BRF1: variants seen among roughly 807,000 people sequenced by gnomAD.
BRF1 encodes the protein transcription factor IIIB 90 kDa subunit.
BRF1 carries 59 observed loss-of-function variants against 81.7 expected under a neutral mutation model. That is an observed-to-expected ratio of 0.72 (90% CI 0.59 to 0.90). BRF1 has a LOEUF of 0.90. Ranked by LOEUF, BRF1 falls within the 40% of genes least tolerant of loss-of-function variation. The probability of loss-of-function intolerance (pLI) is 0.00; values close to 1 mark genes in which losing one functional copy is unlikely to be tolerated. For synonymous variants in BRF1, 491 were observed against 395.6 expected, an observed-to-expected ratio of 1.24 and a Z score of -2.86; for missense variants, 1,050 against 936.3, an observed-to-expected ratio of 1.12 and a Z score of -1.58.
chr14:105,264,872 G>T (rs1028227504), intron 3 of BRF1, among the ~76,000 whole-genome samples: 1 of 151,696 alleles, frequency 6.6e-6, no homozygotes, highest in East Asian at 1.9e-4. Context: ...TAGTAGATGG[G>T]TTCAACACCT....
chr14:105,213,200 C>T (rs1349473404), intron 15 of BRF1: 1 of 152,386 alleles, frequency 6.6e-6, no homozygotes, highest in Non-Finnish European at 1.5e-5. Context: ...TGCAGCGGGG[C>T]TTCTCAGCAG....
rs1047411750 is a variant in BRF1 at position 105,309,593 on chromosome 14, C to G, written c.-162+5729G>C. 6.6e-6 allele frequency among the ~76,000 whole-genome samples: 1 copy of G among 152,188 alleles called. No homozygotes were observed. The highest frequency in any genetic ancestry group is 1.5e-5 in the Non-Finnish European group (1 of 68,012). Reference sequence around the variant, plus strand: ...ATGAGCCCAGGCAAATCTCCCAAGACGCTGCCAAGCCACTCTGCAGAGCTG... The same window carrying G: ...ATGAGCCCAGGCAAATCTCCCAAGAGGCTGCCAAGCCACTCTGCAGAGCTG... On this transcript the variant is annotated intron_variant, in intron 1 of 17. Coordinates refer to the BRF1 transcript ENST00000327359. This position sits in a 1 kb window ranked among gnomAD's most constrained non-coding sequence, Gnocchi z 4.0.
intron 11 of BRF1, 48 bp from the exon 12 acceptor site, chr14:105,220,178 T>G: frequency 6.2e-7 from 1 of 1,608,670 alleles, no homozygotes; most frequent in Non-Finnish European, 8.5e-7. Flanking sequence ...GCACTGATTA[T>G]AGGAGCGTGG....
At chr14:105,262,275 C>T (rs1167542636) in intron 3 of BRF1, among the ~76,000 whole-genome samples, 1 of 152,212 alleles carries the variant, frequency 6.6e-6, no homozygotes, top group African/African-American at 2.4e-5. Flanking sequence ...AGCAGCCCTG[C>T]CCTCCCGAAC....
At chr14:105,263,258 A>T (rs982540921) in intron 3 of BRF1, among the ~76,000 whole-genome samples, 1 of 146,142 alleles carries the variant, frequency 6.8e-6, no homozygotes, top group African/African-American at 2.5e-5. Flanking sequence ...AAAAAAAAGT[A>T]GGAGCCTAGT....
chr14:105,244,273 A>G (rs1011442248), intron 5 of BRF1, among the ~76,000 whole-genome samples: 2 of 151,868 alleles, frequency 1.3e-5, no homozygotes, highest in African/African-American at 4.8e-5. Context: ...TGAGACCCCC[A>G]TCTTTACAAA....
At chr14:105,227,931 T>G (rs935903220) in intron 7 of BRF1, 1 of 152,226 alleles carries the variant, frequency 6.6e-6, no homozygotes, top group Non-Finnish European at 1.5e-5. Flanking sequence ...CAGTTACAGG[T>G]GGCAGCAACT....
At chr14:105,293,039 C>A (rs1165199044) in intron 1 of BRF1, among the ~76,000 whole-genome samples, 1 of 152,194 alleles carries the variant, frequency 6.6e-6, no homozygotes, top group Non-Finnish European at 1.5e-5. Flanking sequence ...CAGAATTCAC[C>A]CGTTTCCTAA....
intron 14 of BRF1, among the ~76,000 whole-genome samples, chr14:105,218,760 C>T (rs1036444250): frequency 6.6e-6 from 1 of 152,302 alleles, no homozygotes; most frequent in Admixed American, 6.5e-5. Context: ...CAGAAGGTTA[C>T]CCCAAAGCTG....
chr14:105,303,274 C>T (rs1399904877), upstream of BRF1, among the ~76,000 whole-genome samples: 6 of 151,446 alleles, frequency 4.0e-5, no homozygotes, highest in African/African-American at 9.7e-5. Flanking sequence ...GGTGGAGTCT[C>T]GCTCTGTCAC....
At chr14:105,275,622 G>C (rs587610356) in intron 2 of BRF1, among the ~76,000 whole-genome samples, 10 of 152,328 alleles carry the variant, frequency 6.6e-5, no homozygotes, top group African/African-American at 2.2e-4. Context: ...TAAAAGGTAA[G>C]AGAGAGGTAC....
chr14:105,249,128 GC>G, intron 5 of BRF1: 1 of 1,525,086 alleles, frequency 6.6e-7, no homozygotes, highest in East Asian at 2.6e-5. Flanking sequence ...GCGCGCCCAC[GC>G]CCCCAGCCCG....
intron 5 of BRF1, among the ~76,000 whole-genome samples, chr14:105,245,196 T>TA (rs1245537162): frequency 2.0e-5 from 3 of 151,750 alleles, no homozygotes; most frequent in Non-Finnish European, 4.4e-5. Context: ...CCGTCTCTAC[T>TA]AAAAAATACA....
At chr14:105,244,503 G>A (rs960182630) in intron 5 of BRF1, among the ~76,000 whole-genome samples, 5 of 141,908 alleles carry the variant, frequency 3.5e-5, no homozygotes, top group African/African-American at 9.8e-5. Flanking sequence ...TCAGTGACTA[G>A]GGTGGAGGAG....
chr14:105,280,701 T>C (rs1405104462), intron 2 of BRF1, among the ~76,000 whole-genome samples: 4 of 151,238 alleles, frequency 2.6e-5, no homozygotes, highest in South Asian at 2.1e-4. Flanking sequence ...GAAGGCTGCG[T>C]GATCCTGAGT....
intron 15 of BRF1, among the ~76,000 whole-genome samples, chr14:105,215,789 C>A (rs587627447): frequency 4.2e-4 from 62 of 148,710 alleles, no homozygotes; most frequent in South Asian, 2.8e-3. Context: ...CACACACACA[C>A]ATGCACACAC....
intron 2 of BRF1, among the ~76,000 whole-genome samples, chr14:105,278,572 C>T (rs2140432723): frequency 6.6e-6 from 1 of 152,210 alleles, no homozygotes; most frequent in South Asian, 2.1e-4. Flanking sequence ...CACAAACAGC[C>T]CTAACCATAA....
rs1446654540 is a variant in BRF1 at position 105,269,513 on chromosome 14, G to A, written c.439+3208C>T. 4.6e-5 allele frequency among the ~76,000 whole-genome samples: 7 copies of A among 152,158 alleles called. No individual in the cohort carries two copies. The highest frequency in any genetic ancestry group is 5.9e-5 in the Non-Finnish European group (4 of 68,016). On this transcript the variant is annotated intron_variant, in intron 3 of 17. Transcript: ENST00000547530. The surrounding 1 kb of genome is among the most constrained non-coding windows in gnomAD (Gnocchi z 5.0). Reference sequence around the variant, plus strand: ...ACCAGGATCTAATTTTAGAATGCGTGGGGGACACGGGGTGGCTTCCTGGAT... The same window carrying A: ...ACCAGGATCTAATTTTAGAATGCGTAGGGGACACGGGGTGGCTTCCTGGAT...
chr14:105,222,967 C>T (rs886689509), intron 10 of BRF1, among the ~76,000 whole-genome samples: 4 of 152,092 alleles, frequency 2.6e-5, no homozygotes, highest in Non-Finnish European at 4.4e-5. Context: ...AGTTCGTGGC[C>T]GCCCACTTGG....
Sources: gnomAD v4.1 joint callset for allele counts (sites outside exome capture counted in the v4.1 genomes callset) on GRCh38, gnomAD v4.1.1 for gene constraint, Gnocchi (gnomAD v3.1) non-coding constraint, MANE v1.5 for transcripts, NCBI Gene and HGNC (gene_info 2026-07-23, HGNC 2026-07-21) for gene names.